FSAF1: variants seen among roughly 807,000 people sequenced by gnomAD.
FSAF1 encodes the protein uncharacterized protein C1orf131.
chr1:231,224,191 A>C, the FSAF1 span: 28 of 1,395,256 alleles, frequency 2.0e-5, no homozygotes, highest in Non-Finnish European at 2.4e-5. Flanking sequence ...AATGCGTGTT[A>C]AGAACGATCT....
chr1:231,228,596 C>T, the FSAF1 span, among the ~76,000 whole-genome samples: 5 of 110,022 alleles, frequency 4.5e-5, no homozygotes, highest in Non-Finnish European at 9.2e-5. Context: ...GAGACTCTGC[C>T]TCAAAAAAAA....
At chr1:231,238,808 A>G in the FSAF1 span, 8 of 1,508,636 alleles carry the variant, frequency 5.3e-6, no homozygotes, top group East Asian at 1.6e-4. Context: ...ACCTAATACT[A>G]CAATACCAGG....
the FSAF1 span, among the ~76,000 whole-genome samples, chr1:231,233,560 T>G: frequency 1.3e-4 from 19 of 150,878 alleles, no homozygotes; most frequent in Non-Finnish European, 1.8e-4. Flanking sequence ...GAACAAAAAA[T>G]TTTTTTTTTT....
chr1:231,235,150 T>G, the FSAF1 span, among the ~76,000 whole-genome samples: 7 of 152,326 alleles, frequency 4.6e-5, no homozygotes, highest in African/African-American at 1.7e-4. Context: ...AATGGAGGAA[T>G]GAATATGTGA....
chr1:231,228,113 T>C, the FSAF1 span, among the ~76,000 whole-genome samples: 42 of 152,346 alleles, frequency 2.8e-4, no homozygotes, highest in African/African-American at 9.9e-4. Flanking sequence ...CATAGATCCA[T>C]GGTTTTAGAA....
the FSAF1 span, among the ~76,000 whole-genome samples, chr1:231,234,840 A>C: frequency 2.4e-4 from 36 of 152,070 alleles, no homozygotes; most frequent in South Asian, 6.9e-3. The surrounding 1 kb of genome is among the most constrained non-coding windows in gnomAD (Gnocchi z 4.0). Context: ...CATACCCCAC[A>C]ATGTTAGCAA....
At chr1:231,232,083 A>G in the FSAF1 span, among the ~76,000 whole-genome samples, 2 of 152,244 alleles carry the variant, frequency 1.3e-5, no homozygotes, top group Admixed American at 1.3e-4. Flanking sequence ...ATAGCTGCTG[A>G]GTCCCTATTA....
At chr1:231,225,458 T>C in the FSAF1 span, 4 of 1,612,670 alleles carry the variant, frequency 2.5e-6, no homozygotes, top group Non-Finnish European at 3.4e-6. Context: ...CAGGACCTGA[T>C]AAAATCACTC....
At chr1:231,236,502 G>A in the FSAF1 span, among the ~76,000 whole-genome samples, 7 of 152,156 alleles carry the variant, frequency 4.6e-5, no homozygotes, top group Non-Finnish European at 7.3e-5. Flanking sequence ...ATCAGGGCTC[G>A]CTTGGAACGG....
At chr1:231,239,002 G>A in the FSAF1 span, 4 of 1,614,070 alleles carry the variant, frequency 2.5e-6, no homozygotes, top group East Asian at 2.2e-5. Flanking sequence ...GGTCCCAGAA[G>A]GAGCACAATG....
chr1:231,230,716 G>A, the FSAF1 span, among the ~76,000 whole-genome samples: 1 of 152,202 alleles, frequency 6.6e-6, no homozygotes, highest in South Asian at 2.1e-4. Context: ...TTTAAGGTGT[G>A]TGGGTTCAGA....
the FSAF1 span, chr1:231,224,346 T>C: frequency 6.2e-7 from 1 of 1,613,910 alleles, no homozygotes; most frequent in South Asian, 1.1e-5. Flanking sequence ...TGTTCCATTT[T>C]TGAATTTTCC....
chr1:231,235,815 A>AT, the FSAF1 span, among the ~76,000 whole-genome samples: 17 of 152,294 alleles, frequency 1.1e-4, no homozygotes, highest in African/African-American at 3.9e-4. Flanking sequence ...AACATAAAAA[A>AT]ATATATATAA....
At chr1:231,235,930 C>T in the FSAF1 span, among the ~76,000 whole-genome samples, 1 of 152,318 alleles carries the variant, frequency 6.6e-6, no homozygotes. Flanking sequence ...AGGGTAATTT[C>T]CTGGGTCTAG....
chr1:231,228,598 CAA>C, the FSAF1 span, among the ~76,000 whole-genome samples: 19 of 102,880 alleles, frequency 1.8e-4, no homozygotes, highest in Admixed American at 1.0e-4. Flanking sequence ...GACTCTGCCT[CAA>C]AAAAAAAAAA....
chr1:231,224,519 C>A, the FSAF1 span: 2 of 1,190,524 alleles, frequency 1.7e-6, no homozygotes, highest in South Asian at 3.1e-5. Context: ...AACTCCTGGT[C>A]GCCTGCCATG....
the FSAF1 span, among the ~76,000 whole-genome samples, chr1:231,239,454 T>C: frequency 6.6e-6 from 1 of 152,234 alleles, no homozygotes; most frequent in South Asian, 2.1e-4. Context: ...CTACTCAAAG[T>C]GTCATCACAG....
At chr1:231,239,216 T>C in the FSAF1 span, 2 of 1,510,444 alleles carry the variant, frequency 1.3e-6, no homozygotes, top group South Asian at 2.7e-5. Flanking sequence ...AGAAGGAAAA[T>C]AAATATTTTC....
At chr1:231,235,041 A>G in the FSAF1 span, among the ~76,000 whole-genome samples, 1 of 152,188 alleles carries the variant, frequency 6.6e-6, no homozygotes, top group African/African-American at 2.4e-5. Context: ...TCCAAAGTAG[A>G]TTGTACAGTA....
Sources: gnomAD v4.1 joint callset for allele counts (sites outside exome capture counted in the v4.1 genomes callset) on GRCh38, gnomAD v4.1.1 for gene constraint, Gnocchi (gnomAD v3.1) non-coding constraint, MANE v1.5 for transcripts, NCBI Gene and HGNC (gene_info 2026-07-23, HGNC 2026-07-21) for gene names.